Variants in TMCO4 observed in about 807,000 individuals in gnomAD.
The protein encoded by TMCO4 is transmembrane and coiled-coil domains 4, also known as transmembrane and coiled-coil domain-containing protein 4.
A neutral mutation model predicts 64.7 loss-of-function variants in TMCO4; 58 were observed. That is an observed-to-expected ratio of 0.90 (90% CI 0.73 to 1.12). The LOEUF is 1.12. TMCO4 is among the 50% of genes most tolerant of loss of function. TMCO4 has a pLI of 0.00. For synonymous variants in TMCO4, 325 were observed against 346.1 expected (o/e 0.94, Z 0.68); for missense variants, 780 against 825.9 (o/e 0.94, Z 0.68).
chr1:19,760,113 T>C (rs545428209), intron 6 of TMCO4, among the ~76,000 whole-genome samples: 1 of 152,190 alleles, frequency 6.6e-6, no homozygotes, highest in South Asian at 2.1e-4. Context: ...TCTCCTCCTC[T>C]CAGTGGGGTC....
chr1:19,746,553 C>T lies in TMCO4; in HGVS notation c.660G>A (p.Ala220=), dbSNP rs773073638. ...CTGCCCCGGCGCTGCCAATAATCGTCGCTGCTCCAGCGGCAACAAGGGGTG... is the reference window on the plus strand; with the variant it reads ...CTGCCCCGGCGCTGCCAATAATCGTTGCTGCTCCAGCGGCAACAAGGGGTG... The part of the protein sequence containing the change: ...LAAPLVAAGA[A]TIIGSAGAAA... The change falls in exon 9 of 16, where the codon GCG becomes GCA. Residue 220 remains alanine (A), a synonymous_variant. Transcript: ENST00000294543. 3.4e-5 allele frequency: 55 copies of T among 1,611,306 alleles called. No individual in the cohort carries two copies. The highest frequency in any genetic ancestry group is 3.3e-4 in the Middle Eastern group (2 of 6,078).
At chr1:19,768,314 G>A (rs2101009090) in intron 6 of TMCO4, among the ~76,000 whole-genome samples, 1 of 152,264 alleles carries the variant, frequency 6.6e-6, no homozygotes, top group African/African-American at 2.4e-5. Flanking sequence ...CTGAGCTGCT[G>A]CCCTGATCTC....
At chr1:19,689,859 G>A (rs2095178216) in intron 15 of TMCO4, among the ~76,000 whole-genome samples, 1 of 152,234 alleles carries the variant, frequency 6.6e-6, no homozygotes, top group Non-Finnish European at 1.5e-5. Flanking sequence ...TCAGCTCTGA[G>A]CCCTGTTGAT....
At chr1:19,701,797 T>C (rs1342517438) in intron 13 of TMCO4, among the ~76,000 whole-genome samples, 12 of 152,022 alleles carry the variant, frequency 7.9e-5, no homozygotes, top group Non-Finnish European at 1.6e-4. Context: ...GCTGCATCGA[T>C]CTAATGATTT....
chr1:19,775,166 G>C (rs1299378641), intron 4 of TMCO4, among the ~76,000 whole-genome samples: 1 of 152,174 alleles, frequency 6.6e-6, no homozygotes, highest in Non-Finnish European at 1.5e-5. Flanking sequence ...CCAGGTTCAA[G>C]CGATTCTCCT....
chr1:19,714,168 C>A (rs968290881), intron 13 of TMCO4, among the ~76,000 whole-genome samples: 9 of 152,190 alleles, frequency 5.9e-5, no homozygotes, highest in African/African-American at 2.2e-4. Flanking sequence ...AACTCCTGGC[C>A]TCAACTGATC....
At chr1:19,686,165 C>T (rs955033185) in intron 15 of TMCO4, among the ~76,000 whole-genome samples, 3 of 152,200 alleles carry the variant, frequency 2.0e-5, no homozygotes, top group Admixed American at 6.5e-5. Context: ...TGACACACAG[C>T]GCATGAACAG....
intron 7 of TMCO4, among the ~76,000 whole-genome samples, chr1:19,749,229 C>T (rs538615431): frequency 4.3e-4 from 65 of 152,336 alleles, no homozygotes; most frequent in Admixed American, 4.0e-3. Context: ...AGCTGTATCA[C>T]GATTCACCAC....
At chr1:19,740,734 GC>G in intron 11 of TMCO4, 42 bp downstream of exon 11, 1 of 1,576,210 alleles carries the variant, frequency 6.3e-7, no homozygotes, top group South Asian at 1.2e-5. Context: ...TGGGATGAAG[GC>G]AGTGGGCATG....
At chr1:19,760,720 T>C (rs2042462508) in intron 6 of TMCO4, among the ~76,000 whole-genome samples, 1 of 152,278 alleles carries the variant, frequency 6.6e-6, no homozygotes, top group South Asian at 2.1e-4. Context: ...ATTTGCCTAC[T>C]TGTTTATTTT....
At chr1:19,786,792 C>A (rs374303222) in intron 3 of TMCO4, among the ~76,000 whole-genome samples, 14 of 152,234 alleles carry the variant, frequency 9.2e-5, no homozygotes, top group African/African-American at 3.1e-4. Flanking sequence ...ATTTTAAAAA[C>A]CTTTTCTTGA....
chr1:19,797,973 GAAAAGA>G (rs1212319860), intron 2 of TMCO4, 158 bp downstream of exon 2: 1 of 158,474 alleles, frequency 6.3e-6, no homozygotes, highest in Non-Finnish European at 1.2e-5. Context: ...GAAAAGAAAA[GAAAAGA>G]AAAGAAAAGA....
rs1450808804 is a variant in TMCO4 at position 19,718,665 on chromosome 1, A to AAAAAAAAAAG, written c.1265-17781_1265-17780insCTTTTTTTTT. Among the ~76,000 whole-genome samples the AAAAAAAAAAG allele has an allele frequency of 4.6e-3, 673 of 145,882 alleles. 8 individuals are homozygous for AAAAAAAAAAG. Among genetic ancestry groups the AAAAAAAAAAG allele is most frequent in the Non-Finnish European group, 7.7e-3 (516 of 67,052 alleles). On this transcript the variant is annotated intron_variant, in intron 13 of 15. Coordinates refer to ENST00000294543, the MANE Select transcript of TMCO4 (RefSeq NM_181719.7). Reference sequence around the variant, plus strand: ...GACCGTCTCTCAAAAAAAAAAAAAAAAGAGAGAGAGAAAATGCAACACCTG... The same window carrying AAAAAAAAAAG: ...GACCGTCTCTCAAAAAAAAAAAAAAAAAAAAAAAAGAGAGAGAGAGAAAATGCAACACCTG...
chr1:19,758,647 C>T (rs1471922657), intron 6 of TMCO4, among the ~76,000 whole-genome samples: 1 of 152,092 alleles, frequency 6.6e-6, no homozygotes, highest in East Asian at 1.9e-4. Context: ...AAGGCATGTT[C>T]CTTCTGGAAG....
At chr1:19,712,310 T>C (rs1321112634) in intron 13 of TMCO4, among the ~76,000 whole-genome samples, 1 of 152,068 alleles carries the variant, frequency 6.6e-6, no homozygotes, top group Non-Finnish European at 1.5e-5. Flanking sequence ...CTGATCACCA[T>C]AACAGATACA....
intron 6 of TMCO4, among the ~76,000 whole-genome samples, chr1:19,762,504 A>C (rs768360808): frequency 6.6e-6 from 1 of 152,220 alleles, no homozygotes; most frequent in Non-Finnish European, 1.5e-5. Context: ...CAACAAGAGC[A>C]AGGGGCATGT....
intron 13 of TMCO4, among the ~76,000 whole-genome samples, chr1:19,712,732 A>G (rs745686216): frequency 3.9e-5 from 6 of 152,208 alleles, no homozygotes; most frequent in Non-Finnish European, 7.3e-5. Context: ...GAAATATTGC[A>G]AGAATTATCA....
At chr1:19,710,667 C>T (rs1405994552) in intron 13 of TMCO4, among the ~76,000 whole-genome samples, 2 of 152,192 alleles carry the variant, frequency 1.3e-5, no homozygotes, top group South Asian at 2.1e-4. Flanking sequence ...CCCTCCTACT[C>T]TCCTGTCCCA....
chr1:19,779,512 T>C (rs2043359111), intron 4 of TMCO4, among the ~76,000 whole-genome samples: 1 of 152,072 alleles, frequency 6.6e-6, no homozygotes. Context: ...TGACTCCAAA[T>C]ATGTGATTTA....
Sources: allele counts gnomAD v4.1 joint callset (sites outside exome capture counted in the v4.1 genomes callset), GRCh38; gene constraint gnomAD v4.1.1; transcripts MANE v1.5; gene names NCBI Gene and HGNC (gene_info 2026-07-23, HGNC 2026-07-21).